Variants in C4orf50 observed in about 807,000 individuals in gnomAD.
C4orf50 encodes uncharacterized protein C4orf50.
A neutral mutation model predicts 77.2 loss-of-function variants in C4orf50; 80 were observed. The ratio of observed to expected loss-of-function variants is 1.04; its 90% CI spans 0.87 to 1.25. C4orf50 has a LOEUF of 1.25. C4orf50 is among the 50% of genes most tolerant of loss of function. C4orf50 has a pLI of 0.00. For synonymous variants in C4orf50, 532 were observed against 465.3 expected (o/e 1.14, Z -1.84); for missense variants, 1,257 against 1,152.9 (o/e 1.09, Z -1.31).
intron 7 of C4orf50, among the ~76,000 whole-genome samples, chr4:5,950,381 G>A (rs79554773): frequency 0.018 from 2,732 of 152,278 alleles, 83 homozygotes; most frequent in African/African-American, 0.062. Context: ...TAATATGAGT[G>A]GAGAGAAGGG....
intron 7 of C4orf50, among the ~76,000 whole-genome samples, chr4:5,917,412 T>C (rs1307435402): frequency 1.9e-5 from 2 of 105,110 alleles, no homozygotes; most frequent in Non-Finnish European, 3.5e-5. Context: ...ATTTCTTTTT[T>C]TTTTTTTTTT....
chr4:5,969,990 A>G (rs1486931630), intron 31 of C4orf50, among the ~76,000 whole-genome samples: 1 of 152,080 alleles, frequency 6.6e-6, no homozygotes, highest in African/African-American at 2.4e-5. Flanking sequence ...GTCCCAGGTG[A>G]GCCCCGGCAA....
At position 6,009,612 on chromosome 4, in the gene C4orf50, C is replaced by T. The variant is rs1722404513; in HGVS notation, c.427-1080G>A. On this transcript the variant is annotated intron_variant, in intron 24 of 33. Coordinates refer to ENST00000531445, the Ensembl canonical transcript of C4orf50. This position sits in a 1 kb window ranked among gnomAD's most constrained non-coding sequence, Gnocchi z 5.6. ...AGCCTAGATGGTCTGCCTTTGACAGCTTTCAGAATGACCGCAGGTCACTAC... is the reference window on the plus strand; with the variant it reads ...AGCCTAGATGGTCTGCCTTTGACAGTTTTCAGAATGACCGCAGGTCACTAC... Among the ~76,000 whole-genome samples, 2 of 152,182 alleles carry T rather than the reference C, an allele frequency of 1.3e-5. No individual in the cohort carries two copies. Among genetic ancestry groups the T allele is most frequent in the South Asian group, 4.1e-4 (2 of 4,826 alleles).
chr4:5,920,648 T>G (rs1258029943), intron 7 of C4orf50, among the ~76,000 whole-genome samples: 1 of 147,712 alleles, frequency 6.8e-6, no homozygotes, highest in Non-Finnish European at 1.5e-5. Flanking sequence ...TGCTAATTTT[T>G]GTATTTTTAA....
intron 7 of C4orf50, among the ~76,000 whole-genome samples, chr4:5,930,483 T>A (rs1376384816): frequency 6.6e-6 from 1 of 152,198 alleles, no homozygotes; most frequent in Non-Finnish European, 1.5e-5. Context: ...GACCACTTCA[T>A]AAAGTTGCTA....
At chr4:5,941,340 T>TGCAGAGCTTGCCAGCA (rs1236581981) in intron 7 of C4orf50, among the ~76,000 whole-genome samples, 2 of 152,166 alleles carry the variant, frequency 1.3e-5, no homozygotes, top group Non-Finnish European at 2.9e-5. Flanking sequence ...TGGCTACAGT[T>TGCAGAGCTTGCCAGCA]GCAGAGCTTG....
intron 7 of C4orf50, among the ~76,000 whole-genome samples, chr4:5,920,995 G>A (rs888434406): frequency 5.9e-5 from 9 of 152,204 alleles, no homozygotes; most frequent in Non-Finnish European, 1.0e-4. Flanking sequence ...TCACCCTCAT[G>A]CTGAAGAACT....
At chr4:5,976,060 C>A in intron 29 of C4orf50, 105 bp from the exon 8 acceptor site, 1 of 875,356 alleles carries the variant, frequency 1.1e-6, no homozygotes, top group Non-Finnish European at 1.9e-6. Flanking sequence ...TGCCTGCCCT[C>A]TTTACCCTCA....
At chr4:6,012,778 C>T (rs999455308) in intron 23 of C4orf50, among the ~76,000 whole-genome samples, 2 of 152,232 alleles carry the variant, frequency 1.3e-5, no homozygotes, top group Non-Finnish European at 2.9e-5. Flanking sequence ...CCCAGGCTCC[C>T]AGACCCACGG....
rs187608470 is a variant in C4orf50 at position 5,970,093 on chromosome 4, G to C, written c.4105-2631C>G. Among the ~76,000 whole-genome samples the C allele has an allele frequency of 2.0e-5, 3 of 151,900 alleles. No homozygotes were observed. In the East Asian group the frequency reaches 5.8e-4, roughly 30 times the overall value. On this transcript the variant is annotated intron_variant, in intron 31 of 33. Coordinates refer to ENST00000531445, the Ensembl canonical transcript of C4orf50. The surrounding 1 kb of genome is among the most constrained non-coding windows in gnomAD (Gnocchi z 4.3). ...GATGTAACTGAATACAAACAGCAAA[G>C]GTGTCTCATTTCATGCTTGTGAATA...
In C4orf50 at chr4:6,007,294, T is replaced by A. The variant is rs553330303; in HGVS notation, c.963+702A>T. Among the ~76,000 whole-genome samples, 3 of 152,240 alleles carry A rather than the reference T, an allele frequency of 2.0e-5. No individual in the cohort carries two copies. In the South Asian group the frequency reaches 6.2e-4, roughly 32 times the overall value. ...TATGTGGAAATCCTAATCCTCAATGTGAGGGTGTCAGGTGGTGGAGTCTTT... is the reference window on the plus strand; with the variant it reads ...TATGTGGAAATCCTAATCCTCAATGAGAGGGTGTCAGGTGGTGGAGTCTTT... On this transcript the variant is annotated intron_variant, in intron 25 of 33. Transcript: ENST00000531445. This position sits in a 1 kb window ranked among gnomAD's most constrained non-coding sequence, Gnocchi z 4.1.
chr4:5,905,996 A>T lies in C4orf50; in HGVS notation c.*2475-7808T>A, dbSNP rs1048934608. On this transcript the variant is annotated intron_variant, in intron 7 of 7. Transcript: ENST00000324058. This position sits in a 1 kb window ranked among gnomAD's most constrained non-coding sequence, Gnocchi z 5.4. Reference sequence around the variant, plus strand: ...GGGTGACATAGGAATCATCAAACAAATGCAAGTCCCAGGTGCTGCTGTAAA... The same window carrying T: ...GGGTGACATAGGAATCATCAAACAATTGCAAGTCCCAGGTGCTGCTGTAAA... Among the ~76,000 whole-genome samples, 3 of 152,122 alleles carry T rather than the reference A, an allele frequency of 2.0e-5. No individual in the cohort carries two copies. The highest frequency in any genetic ancestry group is 4.4e-5 in the Non-Finnish European group (3 of 68,016).
rs376521303 is a variant in C4orf50 at position 5,937,722 on chromosome 4, T to C, written c.*2474+19179A>G. 1.1e-4 allele frequency among the ~76,000 whole-genome samples: 17 copies of C among 152,230 alleles called. No homozygotes were observed. The East Asian group carries it at 3.1e-3, about 28-fold the overall frequency. ...AATATAAAGACAGAGAAGGATTGAC[T>C]GTAAAATAATGGGAAAAGGTGTACC... On this transcript the variant is annotated intron_variant, in intron 7 of 7. Transcript: ENST00000324058.
At chr4:5,965,497 G>A (rs1013418850) in intron 32 of C4orf50, among the ~76,000 whole-genome samples, 3 of 152,326 alleles carry the variant, frequency 2.0e-5, no homozygotes, top group Admixed American at 6.5e-5. Context: ...GGCATGTGGC[G>A]GCCCTCCAGA....
intron 7 of C4orf50, among the ~76,000 whole-genome samples, chr4:5,942,841 T>C (rs748352848): frequency 8.5e-5 from 13 of 152,206 alleles, no homozygotes; most frequent in Non-Finnish European, 1.8e-4. Context: ...TCACATACAG[T>C]ATGATCTCGT....
chr4:6,010,550 C>T (rs774694282), intron 24 of C4orf50, among the ~76,000 whole-genome samples: 5 of 152,232 alleles, frequency 3.3e-5, no homozygotes, highest in African/African-American at 4.8e-5. Flanking sequence ...CCCTCTAGCA[C>T]GTGCGATGTG....
At chr4:5,910,751 G>A (rs550964667) in intron 7 of C4orf50, among the ~76,000 whole-genome samples, 1 of 152,096 alleles carries the variant, frequency 6.6e-6, no homozygotes, top group Non-Finnish European at 1.5e-5. Flanking sequence ...GTGTTTGAGG[G>A]GAAATAAGAT....
intron 23 of C4orf50, among the ~76,000 whole-genome samples, chr4:6,012,518 A>T (rs995849289): frequency 1.4e-4 from 21 of 152,180 alleles, no homozygotes; most frequent in African/African-American, 5.1e-4. Flanking sequence ...TGAAATTCAG[A>T]AAAACGTTTC....
intron 7 of C4orf50, among the ~76,000 whole-genome samples, chr4:5,933,588 A>T (rs1717861257): frequency 6.6e-6 from 1 of 152,160 alleles, no homozygotes; most frequent in Non-Finnish European, 1.5e-5. Context: ...CATGTCCCTG[A>T]CACCAGCACT....
Sources: allele counts gnomAD v4.1 joint callset (sites outside exome capture counted in the v4.1 genomes callset), GRCh38; gene constraint gnomAD v4.1.1; non-coding constraint Gnocchi (gnomAD v3.1); transcripts MANE v1.5; gene names NCBI Gene and HGNC (gene_info 2026-07-23, HGNC 2026-07-21).